Variants in TSG101 observed in about 807,000 individuals in gnomAD.
TSG101 encodes the protein tumor susceptibility 101.
TSG101 carries 19 observed loss-of-function variants against 48.5 expected under a neutral mutation model. The ratio of observed to expected loss-of-function variants is 0.39; its 90% CI spans 0.27 to 0.58. The LOEUF is 0.58. Ranked by LOEUF, TSG101 falls within the 20% of genes least tolerant of loss-of-function variation. The probability of loss-of-function intolerance (pLI) is 0.55; values close to 1 mark genes in which losing one functional copy is unlikely to be tolerated. For synonymous variants in TSG101, 174 were observed against 169.4 expected, an observed-to-expected ratio of 1.03 and a Z score of -0.21; for missense variants, 365 against 484.4, an observed-to-expected ratio of 0.75 and a Z score of 2.31.
chr11:18,481,283 T>G (rs1325039584), intron 9 of TSG101: 1 of 985,104 alleles, frequency 1.0e-6, no homozygotes, highest in African/African-American at 1.7e-5. Flanking sequence ...AAAATGGAGG[T>G]GGCACAATCA....
Position 18,526,924 on chromosome 11 carries a change from A to G in TSG101, c.-108T>C. ...CACCCCCAACCCGGCCTCAAACAAC[A>G]GGAAGTCGGCACCACTACACCACTT... On this transcript the variant is annotated 5_prime_UTR_variant, in exon 1 of 10. Coordinates refer to ENST00000251968, the MANE Select transcript of TSG101 (RefSeq NM_006292.4). 2 of 1,278,848 alleles carry G rather than the reference A, an allele frequency of 1.6e-6. No individual in the cohort carries two copies. The highest frequency in any genetic ancestry group is 2.6e-5 in the East Asian group (1 of 38,806). 79.2% of individuals were successfully genotyped at this position (1,278,848 alleles called of 1,614,324 possible).
intron 4 of TSG101, among the ~76,000 whole-genome samples, chr11:18,513,760 A>C (rs1590285849): frequency 1.3e-5 from 2 of 152,262 alleles, no homozygotes; most frequent in East Asian, 3.9e-4. Flanking sequence ...CCAGATTCTC[A>C]GCCCTTCATC....
intron 4 of TSG101, chr11:18,511,136 C>G (rs900388193): frequency 1.3e-5 from 2 of 152,200 alleles, no homozygotes; most frequent in African/African-American, 4.8e-5. Flanking sequence ...GATAGGCTAA[C>G]CATCTTCATA....
intron 7 of TSG101, among the ~76,000 whole-genome samples, chr11:18,498,300 A>G (rs540701846): frequency 6.6e-6 from 1 of 152,310 alleles, no homozygotes; most frequent in Admixed American, 6.5e-5. Flanking sequence ...GAAGGTTTTG[A>G]GCAGAGGAGT....
chr11:18,525,388 T>C (rs1040105300), intron 1 of TSG101, among the ~76,000 whole-genome samples: 4 of 151,742 alleles, frequency 2.6e-5, no homozygotes, highest in Admixed American at 2.0e-4. Context: ...CTACTAAAAA[T>C]ACAACAATCA....
At chr11:18,503,740 G>A (rs1021249846) in intron 6 of TSG101, among the ~76,000 whole-genome samples, 3 of 152,040 alleles carry the variant, frequency 2.0e-5, no homozygotes, top group African/African-American at 7.2e-5. Flanking sequence ...GCTTTCCTCT[G>A]AATGCTTACT....
At chr11:18,512,075 T>G (rs1421827869) in intron 4 of TSG101, among the ~76,000 whole-genome samples, 1 of 152,146 alleles carries the variant, frequency 6.6e-6, no homozygotes, top group African/African-American at 2.4e-5. Flanking sequence ...TATGTTAATA[T>G]CTACTTCCAG....
intron 1 of TSG101, among the ~76,000 whole-genome samples, chr11:18,521,613 A>G (rs1850277016): frequency 2.7e-5 from 4 of 147,404 alleles, no homozygotes; most frequent in Non-Finnish European, 6.0e-5. Context: ...GATCCTCTCA[A>G]CTCAGCCTTC....
intron 2 of TSG101, among the ~76,000 whole-genome samples, chr11:18,519,010 T>C (rs1371270914): frequency 6.6e-6 from 1 of 152,136 alleles, no homozygotes; most frequent in Non-Finnish European, 1.5e-5. Flanking sequence ...TTTTGTTTTT[T>C]ATTTTTTTGA....
At chr11:18,516,308 T>A in intron 2 of TSG101, 144 bp from the exon 3 acceptor site, 1 of 631,584 alleles carries the variant, frequency 1.6e-6, no homozygotes, top group Non-Finnish European at 2.7e-6. Context: ...GTCCAATAAC[T>A]AACAATTCTT....
intron 4 of TSG101, among the ~76,000 whole-genome samples, chr11:18,512,722 G>T (rs1401031464): frequency 3.0e-5 from 3 of 100,210 alleles, no homozygotes; most frequent in East Asian, 4.8e-4. Flanking sequence ...AGGACAGACA[G>T]ATTTTTTTTT....
chr11:18,499,300 T>TATCA (rs1849840285), intron 7 of TSG101, among the ~76,000 whole-genome samples: 1 of 126,178 alleles, frequency 7.9e-6, no homozygotes, highest in Non-Finnish European at 1.6e-5. Flanking sequence ...ATATTTATAT[T>TATCA]TATATATTTA....
chr11:18,499,391 TATATA>T (rs1433203174), intron 7 of TSG101, among the ~76,000 whole-genome samples: 30 of 8,204 alleles, frequency 3.7e-3, no homozygotes, highest in Admixed American at 0.015. Flanking sequence ...AATATATATA[TATATA>T]TATATATTTT....
intron 4 of TSG101, among the ~76,000 whole-genome samples, chr11:18,512,839 T>C (rs1427692350): frequency 6.6e-6 from 1 of 151,458 alleles, no homozygotes; most frequent in African/African-American, 2.4e-5. Flanking sequence ...GCGATTCTCC[T>C]GCCTCAGCCT....
intron 9 of TSG101, chr11:18,481,212 G>T: frequency 1.1e-6 from 1 of 886,110 alleles, no homozygotes; most frequent in Non-Finnish European, 1.4e-6. Context: ...AGGGCAGCCT[G>T]ATACTTTGAT....
At chr11:18,506,389 TTTA>T (rs1463347487) in intron 6 of TSG101, among the ~76,000 whole-genome samples, 1 of 94,544 alleles carries the variant, frequency 1.1e-5, no homozygotes, top group African/African-American at 2.7e-5. Flanking sequence ...ACTCTCTTCT[TTTA>T]AAAAAAAAAA....
chr11:18,499,254 T>TA (rs1466275309), intron 7 of TSG101, among the ~76,000 whole-genome samples: 1 of 136,084 alleles, frequency 7.3e-6, no homozygotes, highest in Non-Finnish European at 1.5e-5. Context: ...TATTTATATA[T>TA]TATATATATT....
chr11:18,499,341 T>C (rs1205587873), intron 7 of TSG101, among the ~76,000 whole-genome samples: 35 of 104,268 alleles, frequency 3.4e-4, no homozygotes, highest in African/African-American at 1.1e-3. Flanking sequence ...TATATTTATG[T>C]ATATTTATAT....
At chr11:18,515,059 C>G (rs550563772) in intron 3 of TSG101, among the ~76,000 whole-genome samples, 105 of 152,186 alleles carry the variant, frequency 6.9e-4, no homozygotes, top group Non-Finnish European at 1.2e-3. Context: ...TTGCTTTATA[C>G]AATGCTGATA....
Sources: gnomAD v4.1 joint callset for allele counts (sites outside exome capture counted in the v4.1 genomes callset) on GRCh38, gnomAD v4.1.1 for gene constraint, MANE v1.5 for transcripts, NCBI Gene and HGNC (gene_info 2026-07-23, HGNC 2026-07-21) for gene names.